Variants in TLK1 observed in about 807,000 individuals in gnomAD.
TLK1 encodes tousled like kinase 1, also known as serine/threonine-protein kinase tousled-like 1.
TLK1 carries 24 observed loss-of-function variants against 105.3 expected under a neutral mutation model. The observed-to-expected ratio is 0.23, with a 90% CI of 0.17 to 0.32. TLK1 has a LOEUF of 0.32. Among genes scored for constraint, TLK1 ranks in the 10% least tolerant of loss-of-function variants. The probability of loss-of-function intolerance (pLI) is 1.00; values close to 1 mark genes in which losing one functional copy is unlikely to be tolerated. For missense variants in TLK1, 558 were observed against 910.5 expected (o/e 0.61, Z 4.98); for synonymous variants, 321 against 310.4 (o/e 1.03, Z -0.36).
chr2:171,094,297 GAAGA>G (rs1186626371), intron 2 of TLK1, among the ~76,000 whole-genome samples: 1 of 151,948 alleles, frequency 6.6e-6, no homozygotes, highest in African/African-American at 2.4e-5. Flanking sequence ...ATCAAAATAT[GAAGA>G]AATTAAAATC....
chr2:171,166,409 G>T (rs931219415), intron 1 of TLK1, among the ~76,000 whole-genome samples: 2 of 152,210 alleles, frequency 1.3e-5, no homozygotes, highest in African/African-American at 4.8e-5. Flanking sequence ...CATCTGGGCT[G>T]GCCATCTAGC....
intron 3 of TLK1, among the ~76,000 whole-genome samples, chr2:171,066,538 A>G (rs1406057792): frequency 6.6e-6 from 1 of 152,196 alleles, no homozygotes; most frequent in Non-Finnish European, 1.5e-5. Flanking sequence ...CAGTACTCCA[A>G]AGAAATGTAA....
chr2:171,028,615 AATGT>A lies in TLK1; in HGVS notation c.1170-214_1170-211del, dbSNP rs537790210. Among the ~76,000 whole-genome samples the A allele has an allele frequency of 7.9e-5, 12 of 152,178 alleles. No individual in the cohort carries two copies. The East Asian group carries it at 1.7e-3, about 22-fold the overall frequency. On this transcript the variant is annotated intron_variant, in intron 11 of 20. Coordinates refer to ENST00000431350, the MANE Select transcript of TLK1 (RefSeq NM_012290.5). ...ACTAATTCTACAATGCTTTAAGGAA[AATGT>A]ATGAGCCAAAAATCCTTTGAGATAT...
intron 18 of TLK1, among the ~76,000 whole-genome samples, chr2:171,001,963 T>C (rs147044000): frequency 0.025 from 3,874 of 152,138 alleles, 71 homozygotes; most frequent in Middle Eastern, 0.058. Context: ...GTATTTTTGA[T>C]AGAGACGGGG....
intron 1 of TLK1, among the ~76,000 whole-genome samples, chr2:171,159,129 G>A (rs570425974): frequency 1.3e-5 from 2 of 152,208 alleles, no homozygotes; most frequent in African/African-American, 4.8e-5. Flanking sequence ...TAAAGTACTC[G>A]CACCGATTCC....
At chr2:171,157,303 T>A (rs1193427239) in intron 1 of TLK1, among the ~76,000 whole-genome samples, 2 of 152,208 alleles carry the variant, frequency 1.3e-5, no homozygotes, top group African/African-American at 4.8e-5. Context: ...AATATGACAC[T>A]AGGTTCCTAG....
chr2:171,187,628 G>A (rs1300315671), intron 1 of TLK1, among the ~76,000 whole-genome samples: 1 of 152,062 alleles, frequency 6.6e-6, no homozygotes, highest in East Asian at 1.9e-4. Flanking sequence ...TGAGCTACTG[G>A]CTTTTGAGTT....
chr2:171,043,681 T>C (rs377156184), intron 11 of TLK1, among the ~76,000 whole-genome samples: 2 of 152,148 alleles, frequency 1.3e-5, no homozygotes, highest in African/African-American at 4.8e-5. Context: ...AGTGGACATA[T>C]CTGGTATCTA....
intron 1 of TLK1, among the ~76,000 whole-genome samples, chr2:171,187,221 C>T (rs1020089932): frequency 1.3e-5 from 2 of 152,020 alleles, no homozygotes; most frequent in African/African-American, 4.8e-5. Context: ...CATCAATCCA[C>T]CCATCTCTAG....
chr2:171,058,166 A>G lies in TLK1; in HGVS notation c.438T>C (p.Ile146=). 6.2e-7 allele frequency: 1 copy of G among 1,613,590 alleles called. No individual in the cohort carries two copies. The highest frequency in any genetic ancestry group is 8.5e-7 in the Non-Finnish European group (1 of 1,179,604). The change falls in exon 5 of 21, where the codon ATT becomes ATC. Residue 146 remains isoleucine (I), a synonymous_variant. Transcript: ENST00000431350. ...ATGAACTTACTTCAAAATAGTCGCTAATTTTGTGGCCACGTCCCCCAATAC... is the reference window on the plus strand; with the variant it reads ...ATGAACTTACTTCAAAATAGTCGCTGATTTTGTGGCCACGTCCCCCAATAC... ...GKSIGGRGHK[I]SDYFEYQGGN... is the part of the protein sequence containing the mutation.
chr2:171,013,344 T>TTG, intron 13 of TLK1, among the ~76,000 whole-genome samples: 1 of 142,786 alleles, frequency 7.0e-6, no homozygotes, highest in South Asian at 2.2e-4. Flanking sequence ...TTTTTTTTTT[T>TTG]GGAGACAAAG....
intron 2 of TLK1, among the ~76,000 whole-genome samples, chr2:171,084,563 C>T (rs1193672978): frequency 6.6e-6 from 1 of 152,082 alleles, no homozygotes; most frequent in Non-Finnish European, 1.5e-5. Flanking sequence ...CTGAACCACA[C>T]CAACCATTTA....
chr2:171,127,412 AT>A (rs1690916762), intron 1 of TLK1, among the ~76,000 whole-genome samples: 1 of 152,140 alleles, frequency 6.6e-6, no homozygotes, highest in African/African-American at 2.4e-5. Flanking sequence ...CATTGACAAT[AT>A]TTTGTACCAT....
chr2:171,148,834 C>T (rs1005431251), intron 1 of TLK1, among the ~76,000 whole-genome samples: 2 of 146,942 alleles, frequency 1.4e-5, no homozygotes, highest in African/African-American at 5.1e-5. Flanking sequence ...GAGCCGAGAT[C>T]GTGCCACTAC....
chr2:171,083,700 G>A (rs965444583), intron 2 of TLK1, among the ~76,000 whole-genome samples: 30 of 152,060 alleles, frequency 2.0e-4, no homozygotes, highest in Non-Finnish European at 4.4e-5. Flanking sequence ...ACTATTAACA[G>A]GTTGCCAGTT....
intron 7 of TLK1, chr2:171,054,366 G>T (rs189124683): frequency 1.3e-5 from 2 of 152,210 alleles, no homozygotes; most frequent in East Asian, 3.8e-4. Context: ...TAGTTCCCTT[G>T]AACTTACTTT....
At chr2:171,178,319 A>G (rs1054065985) in intron 1 of TLK1, among the ~76,000 whole-genome samples, 2 of 152,204 alleles carry the variant, frequency 1.3e-5, no homozygotes, top group African/African-American at 4.8e-5. Context: ...CTTGAGGCCA[A>G]GTCTGTGCTC....
chr2:171,126,116 G>T (rs1430352618), intron 1 of TLK1, among the ~76,000 whole-genome samples: 2 of 152,090 alleles, frequency 1.3e-5, no homozygotes, highest in African/African-American at 4.8e-5. Flanking sequence ...CCATTTCAAA[G>T]CACAACCACC....
intron 1 of TLK1, among the ~76,000 whole-genome samples, chr2:171,145,633 G>A (rs1351715704): frequency 6.6e-6 from 1 of 151,216 alleles, no homozygotes. Context: ...TGAAGAGACA[G>A]GTATAAACAT....
Sources: gnomAD v4.1 joint callset for allele counts (sites outside exome capture counted in the v4.1 genomes callset) on GRCh38, gnomAD v4.1.1 for gene constraint, MANE v1.5 for transcripts, NCBI Gene and HGNC (gene_info 2026-07-23, HGNC 2026-07-21) for gene names.